The following IL18 variants were observed in gnomAD, a reference collection of about 807,000 sequenced individuals.
The protein encoded by IL18 is interleukin 18.
A neutral mutation model predicts 14.2 loss-of-function variants in IL18; 8 were observed. That is an observed-to-expected ratio of 0.56 (90% CI 0.33 to 1.01). The LOEUF is 1.01. Ranked by LOEUF, IL18 falls within the 50% of genes least tolerant of loss-of-function variation. The pLI is 0.03. For synonymous variants in IL18, 67 were observed against 71.0 expected, an observed-to-expected ratio of 0.94 and a Z score of 0.28; for missense variants, 166 against 231.1, an observed-to-expected ratio of 0.72 and a Z score of 1.83.
chr11:112,162,341 C>G lies in IL18; in HGVS notation c.-9+1565G>C, dbSNP rs796175878. On this transcript the variant is annotated intron_variant, in intron 1 of 5. Coordinates refer to ENST00000280357, the MANE Select transcript of IL18 (RefSeq NM_001562.4). ...GAGCGATGTTTTTTTCTTTTCTTTT[C>G]TTTTTTTTTTTTTTTTTGAGACATG... 3.8e-5 allele frequency among the ~76,000 whole-genome samples: 5 copies of G among 131,164 alleles called. No homozygotes were observed. In the South Asian group the frequency reaches 1.3e-3, roughly 33 times the overall value. 86.0% of individuals were successfully genotyped at this position (131,164 alleles called of 152,430 possible). A position where few individuals can be genotyped will look rare whatever the true frequency, so the allele number is the denominator to read the frequency against.
intron 4 of IL18, among the ~76,000 whole-genome samples, chr11:112,149,184 C>T (rs1317821477): frequency 5.3e-5 from 8 of 152,066 alleles, no homozygotes; most frequent in South Asian, 2.1e-4. Context: ...CCCACCTACT[C>T]GGGAGACTGA....
chr11:112,162,814 T>C (rs915006751), intron 1 of IL18, among the ~76,000 whole-genome samples: 5 of 152,082 alleles, frequency 3.3e-5, no homozygotes, highest in Non-Finnish European at 7.4e-5. Context: ...AGTTTGTTTG[T>C]TTTTTTGTTT....
chr11:112,158,158 T>G (rs1367144807), intron 1 of IL18, among the ~76,000 whole-genome samples: 1 of 152,164 alleles, frequency 6.6e-6, no homozygotes, highest in East Asian at 1.9e-4. Context: ...AATTTTGTAT[T>G]CTTTTAGTAG....
chr11:112,163,202 C>T lies in IL18; in HGVS notation c.-9+704G>A, dbSNP rs141157688. Among the ~76,000 whole-genome samples, 755 of 152,220 alleles carry T rather than the reference C, an allele frequency of 5.0e-3. 7 individuals are homozygous for T. The highest frequency in any genetic ancestry group is 6.5e-3 in the Non-Finnish European group (439 of 68,014). On this transcript the variant is annotated intron_variant, in intron 1 of 5. Transcript: ENST00000280357. ...CCTTAATTGTGAAAGAAAATTATCT[C>T]GGGGAATGCTATATTATCCAATTGT...
intron 1 of IL18, among the ~76,000 whole-genome samples, chr11:112,157,734 G>A (rs139486189): frequency 9.3e-4 from 142 of 152,216 alleles, no homozygotes; most frequent in African/African-American, 3.1e-3. Flanking sequence ...AGGCAGCGGG[G>A]AGACCGAGAA....
At chr11:112,150,314 G>T in intron 3 of IL18, 108 bp from the exon 4 acceptor site, 1 of 707,970 alleles carries the variant, frequency 1.4e-6, no homozygotes. Flanking sequence ...ACAATCTTCT[G>T]TTCCAGAAGT....
chr11:112,153,517 C>T, intron 3 of IL18, 75 bp downstream of exon 3: 1 of 1,015,202 alleles, frequency 9.9e-7, no homozygotes, highest in Non-Finnish European at 1.4e-6. Context: ...TTTTCCTCAG[C>T]TGACAATGGT....
intron 4 of IL18, among the ~76,000 whole-genome samples, chr11:112,149,599 G>T (rs1008731079): frequency 1.0e-4 from 13 of 125,902 alleles, no homozygotes; most frequent in African/African-American, 3.7e-4. Context: ...TAGAGACAAG[G>T]TCTGTATATC....
rs71060226 is a variant in IL18 at position 112,158,521 on chromosome 11, G to GTT, written c.-8-3462_-8-3461dup. ...CTTGGTTTCAACATATTTATTTGGA[G>GTT]TTTTTTTTTTTTTGCACAGCAGTAA... On this transcript the variant is annotated intron_variant, in intron 1 of 5. Transcript: ENST00000280357. Among the ~76,000 whole-genome samples, 14 of 104,986 alleles carry GTT rather than the reference G, an allele frequency of 1.3e-4. 1 individual carries two copies. Among genetic ancestry groups the GTT allele is most frequent in the African/African-American group, 4.0e-4 (11 of 27,656 alleles). The allele number at this position is 104,986 out of a possible 152,430, so 68.9% of individuals were successfully genotyped here. A position where few individuals can be genotyped will look rare whatever the true frequency, so the allele number is the denominator to read the frequency against.
chr11:112,152,147 C>T (rs556049284), intron 3 of IL18, among the ~76,000 whole-genome samples: 4 of 152,294 alleles, frequency 2.6e-5, no homozygotes, highest in East Asian at 1.9e-4. Flanking sequence ...GTCATCCATC[C>T]TCCTCTTTGT....
intron 1 of IL18, among the ~76,000 whole-genome samples, chr11:112,161,268 C>G (rs1250288086): frequency 6.6e-6 from 1 of 152,138 alleles, no homozygotes; most frequent in Non-Finnish European, 1.5e-5. Flanking sequence ...TGGGGCAAGT[C>G]ACTTAATTTT....
chr11:112,160,751 A>G (rs1866618178), intron 1 of IL18, among the ~76,000 whole-genome samples: 1 of 152,248 alleles, frequency 6.6e-6, no homozygotes, highest in Non-Finnish European at 1.5e-5. Flanking sequence ...AGGAGGAAGA[A>G]CAGGAGGGAA....
chr11:112,145,774 A>C (rs1032567665), intron 5 of IL18, among the ~76,000 whole-genome samples: 8 of 151,632 alleles, frequency 5.3e-5, no homozygotes, highest in African/African-American at 1.9e-4. Context: ...GAAAAAAAGA[A>C]AGTTACAGTT....
At chr11:112,162,743 G>T (rs552606124) in intron 1 of IL18, among the ~76,000 whole-genome samples, 1 of 152,320 alleles carries the variant, frequency 6.6e-6, no homozygotes, top group South Asian at 2.1e-4. Context: ...TCAGGTAAAA[G>T]AGTAAATTTA....
At position 112,164,061 on chromosome 11, in the gene IL18, C is replaced by G. The variant is rs1211963278; in HGVS notation, c.-164G>C. ...AAATGCACTGGGAGACAATTCCTTG[C>G]TGACTGTCCAGGCAGTCGCCAGGGG... On this transcript the variant is annotated 5_prime_UTR_variant, in exon 1 of 6. Transcript: ENST00000280357. 3 of 152,398 alleles carry G rather than the reference C, an allele frequency of 2.0e-5. No homozygotes were observed. Among genetic ancestry groups the G allele is most frequent in the African/African-American group, 7.2e-5 (3 of 41,440 alleles). The allele number at this position is 152,398 out of a possible 1,614,324, so 9.4% of individuals were successfully genotyped here. A position where few individuals can be genotyped will look rare whatever the true frequency, so the allele number is the denominator to read the frequency against.
At position 112,143,678 on chromosome 11, in the gene IL18, C is replaced by T. The variant is rs199644300; in HGVS notation, c.500G>A (p.Arg167Lys). 46 of 1,612,626 alleles carry T rather than the reference C, an allele frequency of 2.9e-5. No homozygotes were observed. The East Asian group carries it at 5.8e-4, about 20-fold the overall frequency. The change falls in exon 6 of 6, where the codon AGA (arginine) becomes AAA (lysine). Residue 167 changes from arginine (R) to lysine (K), a missense_variant. Arg to Lys is a conservative substitution (Grantham distance 26, BLOSUM62 2). Transcript: ENST00000280357. ...TTTCAAAATGAGTTTAAAAAGGTCT[C>T]TCTCTTTTTCACAAGCTAGAAAGTA... ...EGYFLACEKE[R>K]DLFKLILKKE...
At chr11:112,157,041 A>G (rs1001420517) in intron 1 of IL18, among the ~76,000 whole-genome samples, 1 of 152,142 alleles carries the variant, frequency 6.6e-6, no homozygotes, top group African/African-American at 2.4e-5. Flanking sequence ...AACAATAATG[A>G]CTAGGCTGTG....
intron 5 of IL18, among the ~76,000 whole-genome samples, chr11:112,144,264 G>A (rs5744289): frequency 0.028 from 4,205 of 152,264 alleles, 95 homozygotes; most frequent in Non-Finnish European, 0.045. Flanking sequence ...ACAGGGTCTC[G>A]CTCTGTTGCC....
chr11:112,162,005 AC>A lies in IL18; in HGVS notation c.-9+1900del, dbSNP rs1482459508. Among the ~76,000 whole-genome samples the A allele has an allele frequency of 1.2e-4, 19 of 152,346 alleles. No individual in the cohort carries two copies. The East Asian group carries it at 3.7e-3, about 29-fold the overall frequency. ...TTGACAGCAACAAGATCAAAACCTA[AC>A]TTTTCAGTTCTATAAATCATTTTAT... On this transcript the variant is annotated intron_variant, in intron 1 of 5. Coordinates refer to ENST00000280357, the MANE Select transcript of IL18 (RefSeq NM_001562.4).
Sources: gnomAD v4.1 joint callset for allele counts (sites outside exome capture counted in the v4.1 genomes callset) on GRCh38, gnomAD v4.1.1 for gene constraint, MANE v1.5 for transcripts, NCBI Gene and HGNC (gene_info 2026-07-23, HGNC 2026-07-21) for gene names.